MEIS1: variants seen among roughly 807,000 people sequenced by gnomAD.
MEIS1 encodes the protein Meis homeobox 1.
A neutral mutation model predicts 50.8 loss-of-function variants in MEIS1; 5 were observed. That is an observed-to-expected ratio of 0.10 (90% CI 0.05 to 0.21). The LOEUF (loss-of-function observed/expected upper bound fraction) is 0.21. Among genes scored for constraint, MEIS1 ranks in the 10% least tolerant of loss-of-function variants. The pLI, the probability that MEIS1 is intolerant of heterozygous loss-of-function variation, is 1.00. For synonymous variants in MEIS1, 176 were observed against 179.3 expected (o/e 0.98, Z 0.15); for missense variants, 318 against 517.3 (o/e 0.61, Z 3.74).
At chr2:66,482,282 A>G (rs1558534433) in intron 7 of MEIS1, among the ~76,000 whole-genome samples, 1 of 151,994 alleles carries the variant, frequency 6.6e-6, no homozygotes. Context: ...AAATGTGCCC[A>G]CCCTCGTTCA....
At chr2:66,439,661 A>T in intron 2 of MEIS1, 182 bp from the exon 3 acceptor site, 1 of 1,538,652 alleles carries the variant, frequency 6.5e-7, no homozygotes, top group Non-Finnish European at 8.7e-7. Flanking sequence ...GGGCTCCAGG[A>T]GGAAGGGGAG....
chr2:66,488,052 A>G (rs949699414), intron 7 of MEIS1, among the ~76,000 whole-genome samples: 2 of 152,246 alleles, frequency 1.3e-5, no homozygotes, highest in Non-Finnish European at 2.9e-5. Context: ...TCTTTTGCAT[A>G]CAAATATGGC....
At chr2:66,541,430 T>A (rs1038544889) in intron 8 of MEIS1, among the ~76,000 whole-genome samples, 1 of 152,214 alleles carries the variant, frequency 6.6e-6, no homozygotes, top group African/African-American at 2.4e-5. Flanking sequence ...AAACAAAGAT[T>A]GTTATGAAAC....
At chr2:66,515,247 C>T (rs530262583) in intron 8 of MEIS1, among the ~76,000 whole-genome samples, 7 of 151,992 alleles carry the variant, frequency 4.6e-5, no homozygotes, top group African/African-American at 1.7e-4. Flanking sequence ...AAGACATATT[C>T]GAAAACCTCT....
chr2:66,454,616 T>A (rs1672348212), intron 6 of MEIS1: 2 of 152,102 alleles, frequency 1.3e-5, no homozygotes. Context: ...TTTTTTAAAT[T>A]TTTTTTGCTA....
chr2:66,480,270 C>CA (rs1166077345), intron 7 of MEIS1, among the ~76,000 whole-genome samples: 2 of 152,078 alleles, frequency 1.3e-5, no homozygotes, highest in Admixed American at 1.3e-4. Context: ...GAGTTCTGAG[C>CA]AAAAAATATA....
rs746473840 is a variant in MEIS1, at chr2:66,571,379, G to A, written c.*171G>A. On this transcript the variant is annotated 3_prime_UTR_variant, in exon 13 of 13. Coordinates refer to ENST00000272369, the MANE Select transcript of MEIS1 (RefSeq NM_002398.3). The stretch of plus-strand genomic sequence containing the variant: ...TGCGTCATGGGCCCCCCATGCATAC[G>A]TACATTCCTGGACACCCTCACCACC... The A allele has an allele frequency of 9.4e-6, 15 of 1,602,638 alleles. No homozygotes were observed. Among genetic ancestry groups the A allele is most frequent in the Admixed American group, 3.5e-5 (2 of 57,820 alleles).
At chr2:66,515,733 G>T (rs1673951251) in intron 8 of MEIS1, among the ~76,000 whole-genome samples, 1 of 152,092 alleles carries the variant, frequency 6.6e-6, no homozygotes, top group Admixed American at 6.6e-5. Flanking sequence ...TCTCTTAAAA[G>T]AAACTATTCC....
intron 8 of MEIS1, among the ~76,000 whole-genome samples, chr2:66,520,497 G>A (rs1297316287): frequency 6.6e-6 from 1 of 151,370 alleles, no homozygotes; most frequent in East Asian, 1.9e-4. Context: ...AAAAAGAAAA[G>A]CCAGTTTCCC....
intron 8 of MEIS1, among the ~76,000 whole-genome samples, chr2:66,525,616 G>A (rs548000781): frequency 1.3e-5 from 2 of 152,322 alleles, no homozygotes; most frequent in African/African-American, 4.8e-5. Context: ...GAATATCAAA[G>A]CACTTTCATT....
At position 66,468,064 on chromosome 2, in the gene MEIS1, G is replaced by C. The variant is rs1225190626; in HGVS notation, c.742+3844G>C. On this transcript the variant is annotated intron_variant, in intron 7 of 12. Coordinates refer to ENST00000272369, the MANE Select transcript of MEIS1 (RefSeq NM_002398.3). ...GAAATATTGAAGAGTAACTCTCAAA[G>C]TCAGCTTCAGGATCTTGGTCTCTTG... is the stretch of plus-strand genomic sequence containing the variant. Among the ~76,000 whole-genome samples the C allele has an allele frequency of 2.6e-5, 4 of 152,328 alleles. No individual in the cohort carries two copies. In the East Asian group the frequency reaches 7.7e-4, roughly 29 times the overall value.
chr2:66,492,915 C>A (rs375727378), intron 7 of MEIS1, among the ~76,000 whole-genome samples: 2 of 152,110 alleles, frequency 1.3e-5, no homozygotes, highest in Non-Finnish European at 2.9e-5. Flanking sequence ...TGTTACTGCA[C>A]CCTTACTCTT....
chr2:66,514,164 T>A (rs545238500), intron 8 of MEIS1, among the ~76,000 whole-genome samples: 16 of 151,972 alleles, frequency 1.1e-4, no homozygotes, highest in African/African-American at 3.9e-4. Flanking sequence ...TGCAAAGGAG[T>A]TTTGGCTTTA....
At chr2:66,496,931 C>T (rs11692504) in intron 7 of MEIS1, among the ~76,000 whole-genome samples, 77,624 of 151,960 alleles carry the variant, frequency 0.51, 22,284 homozygotes, top group Non-Finnish European at 0.63. Context: ...TTGTTTTCTT[C>T]CTTGTACATT....
intron 7 of MEIS1, among the ~76,000 whole-genome samples, chr2:66,498,063 T>C (rs1673453674): frequency 6.6e-6 from 1 of 152,090 alleles, no homozygotes; most frequent in African/African-American, 2.4e-5. Context: ...ATAGATATTT[T>C]GGAAAAGACT....
intron 8 of MEIS1, among the ~76,000 whole-genome samples, chr2:66,518,415 A>G (rs971029790): frequency 2.0e-5 from 3 of 152,194 alleles, no homozygotes; most frequent in Admixed American, 6.5e-5. Context: ...GTTAAGATAC[A>G]GATACACGAT....
intron 8 of MEIS1, among the ~76,000 whole-genome samples, chr2:66,539,122 T>C (rs2192958): frequency 0.98 from 149,325 of 152,282 alleles, 73,285 homozygotes; most frequent in Middle Eastern, 1. Context: ...CTCCTGACCT[T>C]ATGATCCACC....
At chr2:66,482,321 G>A (rs1471775779) in intron 7 of MEIS1, among the ~76,000 whole-genome samples, 2 of 152,134 alleles carry the variant, frequency 1.3e-5, no homozygotes, top group East Asian at 3.9e-4. Flanking sequence ...CCACCCTTAT[G>A]GTGGAGCAGA....
chr2:66,469,347 A>T (rs546729785), intron 7 of MEIS1, among the ~76,000 whole-genome samples: 4 of 152,106 alleles, frequency 2.6e-5, no homozygotes, highest in African/African-American at 4.8e-5. Context: ...CAGGCAACCT[A>T]TAGGCAGAAG....
Sources: gnomAD v4.1 joint callset for allele counts (sites outside exome capture counted in the v4.1 genomes callset) on GRCh38, gnomAD v4.1.1 for gene constraint, MANE v1.5 for transcripts, NCBI Gene and HGNC (gene_info 2026-07-23, HGNC 2026-07-21) for gene names.